Variants in FOCAD observed in about 807,000 individuals in gnomAD.
The protein encoded by FOCAD is focadhesin, also known as KIAA1797.
Under a neutral mutation model 225.6 loss-of-function variants are expected in FOCAD, and 198 were observed. That is an observed-to-expected ratio of 0.88 (90% CI 0.78 to 0.99). The LOEUF is 0.99. FOCAD is among the 50% of genes least tolerant of loss of function. The pLI, the probability that FOCAD is intolerant of heterozygous loss-of-function variation, is 0.00. For synonymous variants in FOCAD, 897 were observed against 755.0 expected, an observed-to-expected ratio of 1.19 and a Z score of -3.08; for missense variants, 2,713 against 2,123.6, an observed-to-expected ratio of 1.28 and a Z score of -5.46.
chr9:20,771,230 C>G (rs1455837338), intron 8 of FOCAD, among the ~76,000 whole-genome samples: 1 of 152,194 alleles, frequency 6.6e-6, no homozygotes, highest in Non-Finnish European at 1.5e-5. Context: ...AAGGATTAAG[C>G]TGTGGCAAAT....
chr9:20,751,130 A>G (rs1828500698), intron 5 of FOCAD, among the ~76,000 whole-genome samples: 1 of 149,708 alleles, frequency 6.7e-6, no homozygotes. Flanking sequence ...TTCCCTCACA[A>G]TTTTATCTCA....
intron 40 of FOCAD, 140 bp from the exon 41 acceptor site, chr9:20,988,192 C>T (rs1841351771): frequency 2.1e-5 from 10 of 486,936 alleles, no homozygotes; most frequent in South Asian, 3.5e-5. Flanking sequence ...TCACAAGTCT[C>T]GGGTATTGCA....
chr9:20,844,401 C>G (rs1222724674), intron 15 of FOCAD, among the ~76,000 whole-genome samples: 1 of 116,652 alleles, frequency 8.6e-6, no homozygotes, highest in Non-Finnish European at 1.6e-5. Context: ...CACTGTGTCA[C>G]TCAGGCTGGA....
At chr9:20,949,747 A>T in intron 33 of FOCAD, 72 bp downstream of exon 33, 1 of 1,242,970 alleles carries the variant, frequency 8.0e-7, no homozygotes, top group African/African-American at 1.5e-5. Flanking sequence ...CTATTACATG[A>T]TACAACATGT....
intron 10 of FOCAD, among the ~76,000 whole-genome samples, chr9:20,784,198 G>A (rs894323273): frequency 6.6e-6 from 1 of 152,176 alleles, no homozygotes; most frequent in Non-Finnish European, 1.5e-5. Flanking sequence ...GGCTGAGCTG[G>A]TCCACTGGAA....
Position 20,933,039 on chromosome 9 carries a change from C to T in FOCAD, c.3343C>T (p.Leu1115Phe). ...LSDISGQEMNLLLMKSLDALE... is the reference protein window; with the variant it reads ...LSDISGQEMNFLLMKSLDALE... ...TGATATATCTGGCCAAGAGATGAAC[C>T]TTCTTCTGATGAAGTCGTTGGATGC... The change falls in exon 28 of 44, where the codon CTT (leucine) becomes TTT (phenylalanine). Residue 1115 changes from leucine (L) to phenylalanine (F), a missense_variant. Leu to Phe is a conservative substitution (Grantham distance 22). Coordinates refer to ENST00000338382, the MANE Select transcript of FOCAD (RefSeq NM_001375567.1). 6.2e-7 allele frequency: 1 copy of T among 1,613,834 alleles called. No individual in the cohort carries two copies. The highest frequency in any genetic ancestry group is 2.2e-5 in the East Asian group (1 of 44,850).
intron 1 of FOCAD, among the ~76,000 whole-genome samples, chr9:20,686,620 CAAAG>C (rs1822683165): frequency 1.3e-5 from 2 of 152,034 alleles, no homozygotes; most frequent in African/African-American, 4.8e-5. Flanking sequence ...TGATGTATAA[CAAAG>C]AACTTGGTTT....
intron 10 of FOCAD, among the ~76,000 whole-genome samples, chr9:20,784,225 C>A (rs1210767278): frequency 2.0e-5 from 3 of 152,128 alleles, no homozygotes; most frequent in Non-Finnish European, 1.5e-5. Context: ...TCTGGGATAT[C>A]CTGTATGTCC....
At chr9:20,739,944 CTGCTTGAAATTATG>C (rs1827473414) in intron 4 of FOCAD, among the ~76,000 whole-genome samples, 1 of 152,114 alleles carries the variant, frequency 6.6e-6, no homozygotes, top group Non-Finnish European at 1.5e-5. Context: ...AATGTGGTCA[CTGCTTGAAATTATG>C]TGGGCTAATG....
intron 30 of FOCAD, among the ~76,000 whole-genome samples, chr9:20,947,514 A>C (rs1025428351): frequency 3.3e-5 from 5 of 152,170 alleles, no homozygotes; most frequent in African/African-American, 1.2e-4. Flanking sequence ...ATGGGGAGTT[A>C]CTGTTTAGTG....
At chr9:20,937,904 C>G (rs1360048038) in intron 28 of FOCAD, among the ~76,000 whole-genome samples, 1 of 152,150 alleles carries the variant, frequency 6.6e-6, no homozygotes, top group Admixed American at 6.5e-5. Flanking sequence ...ACAACCCCAT[C>G]AACAAGTGGG....
At chr9:20,671,084 G>A (rs1366204713) in intron 2 of FOCAD, among the ~76,000 whole-genome samples, 1 of 152,094 alleles carries the variant, frequency 6.6e-6, no homozygotes. Flanking sequence ...CTGATCTTCT[G>A]TAATAAGACA....
Position 20,866,969 on chromosome 9 carries a change from A to C in FOCAD, c.2147A>C (p.Asn716Thr). The stretch of plus-strand genomic sequence containing the variant: ...AATGCTGCATATAGATCCCTGGCCA[A>C]CTTTAGTGCAGGAGAACACACCATT... ...VANAAYRSLANFSAGEHTILH... is the reference protein window; with the variant it reads ...VANAAYRSLATFSAGEHTILH... The change falls in exon 18 of 44, where the codon AAC (asparagine) becomes ACC (threonine). Residue 716 changes from asparagine (N) to threonine (T), a missense_variant. Coordinates refer to ENST00000338382, the MANE Select transcript of FOCAD (RefSeq NM_001375567.1). 6.5e-7 allele frequency: 1 copy of C among 1,538,598 alleles called. No homozygotes were observed. The highest frequency in any genetic ancestry group is 8.8e-7 in the Non-Finnish European group (1 of 1,140,404).
At chr9:20,846,649 C>T (rs1418042455) in intron 15 of FOCAD, among the ~76,000 whole-genome samples, 1 of 152,054 alleles carries the variant, frequency 6.6e-6, no homozygotes, top group Non-Finnish European at 1.5e-5. Flanking sequence ...TTGTTAAACT[C>T]TGGAAATGGT....
At chr9:20,758,261 G>GT (rs200543026) in intron 6 of FOCAD, 70 bp downstream of exon 6, 2,751 of 1,021,834 alleles carry the variant, frequency 2.7e-3, no homozygotes, top group Middle Eastern at 6.1e-3. Context: ...TAGAGCTAGG[G>GT]TTTTTTTTTG....
chr9:20,993,470 T>C (rs1587810496), intron 43 of FOCAD, 142 bp downstream of exon 43: 1 of 666,532 alleles, frequency 1.5e-6, no homozygotes, highest in Admixed American at 2.9e-5. Flanking sequence ...ATTTTGGATG[T>C]TTTTGGATTT....
At chr9:20,714,283 A>C (rs547800762) in intron 1 of FOCAD, among the ~76,000 whole-genome samples, 1 of 152,176 alleles carries the variant, frequency 6.6e-6, no homozygotes, top group Middle Eastern at 3.4e-3. Context: ...TAACATTTTG[A>C]ATTTTGTATT....
rs746683448 is a variant in FOCAD at position 20,764,829 on chromosome 9, T to A, written c.495-40T>A. ...TGCCACTTACCTGCTTGATAGTGTG[T>A]TTAACTCAATAACTGGCTAATGTAT... On this transcript the variant is annotated intron_variant, in intron 6 of 43. Coordinates refer to ENST00000338382, the MANE Select transcript of FOCAD (RefSeq NM_001375567.1). The A allele has an allele frequency of 2.0e-6, 3 of 1,526,770 alleles. No individual in the cohort carries two copies. The South Asian group carries it at 3.5e-5, about 18-fold the overall frequency. The allele number at this position is 1,526,770 out of a possible 1,614,324, so 94.6% of individuals were successfully genotyped here.
At chr9:20,669,148 G>C (rs898337266) in intron 2 of FOCAD, among the ~76,000 whole-genome samples, 5 of 152,174 alleles carry the variant, frequency 3.3e-5, no homozygotes, top group African/African-American at 1.2e-4. Context: ...GGTCTTTGGA[G>C]TAAGGCAAGT....
Sources: gnomAD v4.1 joint callset for allele counts (sites outside exome capture counted in the v4.1 genomes callset) on GRCh38, gnomAD v4.1.1 for gene constraint, MANE v1.5 for transcripts, NCBI Gene and HGNC (gene_info 2026-07-23, HGNC 2026-07-21) for gene names.